The following OSR1 variants were observed in gnomAD, a reference collection of about 807,000 sequenced individuals.
The protein encoded by OSR1 is protein odd-skipped-related 1.
A neutral mutation model predicts 15.7 loss-of-function variants in OSR1; 3 were observed. The ratio of observed to expected loss-of-function variants is 0.19; its 90% CI spans 0.09 to 0.50. The LOEUF (loss-of-function observed/expected upper bound fraction) is 0.50. OSR1 is among the 20% of genes least tolerant of loss of function. OSR1 has a pLI of 0.97. For missense variants in OSR1, 271 were observed against 351.1 expected (o/e 0.77, Z 1.82); for synonymous variants, 166 against 152.7 (o/e 1.09, Z -0.64).
chr2:19,347,332 A>G (rs1349899309), downstream of OSR1, among the ~76,000 whole-genome samples: 1 of 152,150 alleles, frequency 6.6e-6, no homozygotes, highest in African/African-American at 2.4e-5. Context: ...ATTACTTTTA[A>G]CTCTACACAA....
chr2:19,350,184 AT>A (rs1346517619), downstream of OSR1, among the ~76,000 whole-genome samples: 1 of 152,122 alleles, frequency 6.6e-6, no homozygotes, highest in African/African-American at 2.4e-5. Context: ...GCCAGTCAAG[AT>A]TTTGGGACCA....
At chr2:19,358,007 C>G (rs1254502967) in intron 1 of OSR1, 1 of 152,260 alleles carries the variant, frequency 6.6e-6, no homozygotes, top group African/African-American at 2.4e-5. Flanking sequence ...TGAAGTTGCT[C>G]TGGTTTCTTA....
At chr2:19,351,324 C>A (rs1664834958), downstream of OSR1, among the ~76,000 whole-genome samples, 1 of 151,954 alleles carries the variant, frequency 6.6e-6, no homozygotes, top group Non-Finnish European at 1.5e-5. Flanking sequence ...CAGACCTAAC[C>A]GGGAGAGAGG....
At chr2:19,348,522 T>C (rs536116307), downstream of OSR1, 62 of 154,308 alleles carry the variant, frequency 4.0e-4, no homozygotes, top group Admixed American at 1.4e-3. Flanking sequence ...GACGGGACTC[T>C]TTTGAGCCGG....
At chr2:19,353,925 C>T in intron 1 of OSR1, 88 bp from the exon 2 acceptor site, 1 of 1,098,212 alleles carries the variant, frequency 9.1e-7, no homozygotes. Flanking sequence ...AGCCGAGCCA[C>T]ACCCTCTCCT....
At chr2:19,351,309 G>A (rs1664834454), downstream of OSR1, among the ~76,000 whole-genome samples, 1 of 152,058 alleles carries the variant, frequency 6.6e-6, no homozygotes, top group African/African-American at 2.4e-5. Context: ...ATGGTGGGGC[G>A]GAGGCAGACC....
rs375985128 is a variant in OSR1, at chr2:19,353,612, G to A, written c.194C>T (p.Pro65Leu). 6.2e-6 allele frequency: 10 copies of A among 1,614,120 alleles called. No homozygotes were observed. The highest frequency in any genetic ancestry group is 4.0e-5 in the African/African-American group (3 of 74,952). ...CGGCACTTTGGAGAAAGAAGAGCGC[G>A]GCAAGTGCATGGCCGGGTAGCCCAG... ...WTLGYPAMHL[P>L]RSSFSKVPGT... The change falls in exon 2 of 3, where the codon CCG (proline) becomes CTG (leucine). Residue 65 changes from proline (P) to leucine (L), a missense_variant. Pro to Leu is a moderately conservative substitution (Grantham distance 98). Coordinates refer to ENST00000272223, the MANE Select transcript of OSR1 (RefSeq NM_145260.3).
At chr2:19,347,819 C>T (rs894976187), downstream of OSR1, among the ~76,000 whole-genome samples, 21 of 152,380 alleles carry the variant, frequency 1.4e-4, no homozygotes, top group African/African-American at 5.0e-4. Flanking sequence ...GGACTGGGCA[C>T]TCCAAGTCAA....
the OSR1 span, among the ~76,000 whole-genome samples, chr2:19,345,806 CA>C: frequency 3.3e-5 from 5 of 152,166 alleles, no homozygotes; most frequent in Admixed American, 1.3e-4. Flanking sequence ...TGTGAGATAC[CA>C]AAGCAATTCT....
downstream of OSR1, chr2:19,351,380 T>TG (rs914124778): frequency 2.0e-5 from 3 of 151,180 alleles, no homozygotes; most frequent in African/African-American, 7.3e-5. Context: ...TAAGACGGGG[T>TG]GGTAGGAGGG....
chr2:19,351,652 C>A lies in OSR1; in HGVS notation c.*623G>T, dbSNP rs1664842007. 2 of 152,722 alleles carry A rather than the reference C, an allele frequency of 1.3e-5. No individual in the cohort carries two copies. Among genetic ancestry groups the A allele is most frequent in the Admixed American group, 6.5e-5 (1 of 15,294 alleles). 9.5% of individuals were successfully genotyped at this position (152,722 alleles called of 1,614,324 possible). A position where few individuals can be genotyped will look rare whatever the true frequency, so the allele number is the denominator to read the frequency against. On this transcript the variant is annotated 3_prime_UTR_variant, in exon 3 of 3. Coordinates refer to ENST00000272223, the MANE Select transcript of OSR1 (RefSeq NM_145260.3). ...CAGCGGAGGCCGGGCCCCCTGCAGA[C>A]CCCAGGCCCGAGGTCCCCGTCCCGC...
At chr2:19,348,971 A>G (rs921028349), downstream of OSR1, among the ~76,000 whole-genome samples, 3 of 152,228 alleles carry the variant, frequency 2.0e-5, no homozygotes, top group Non-Finnish European at 2.9e-5. Context: ...CCACCTGGCC[A>G]GCACCATCGG....
chr2:19,358,079 C>G (rs45628131), intron 1 of OSR1: 1 of 152,286 alleles, frequency 6.6e-6, no homozygotes, highest in Admixed American at 6.5e-5. Flanking sequence ...TCCGCAGAGC[C>G]GGGCGGGCTG....
At chr2:19,348,142 A>T (rs577911546), downstream of OSR1, among the ~76,000 whole-genome samples, 1 of 152,252 alleles carries the variant, frequency 6.6e-6, no homozygotes, top group East Asian at 1.9e-4. Context: ...ACGCCGCGGC[A>T]ACTGCTGCCC....
intron 1 of OSR1, chr2:19,355,182 C>T (rs1380910882): frequency 6.6e-6 from 1 of 152,280 alleles, no homozygotes; most frequent in Non-Finnish European, 1.5e-5. Flanking sequence ...CTTGGGGCTA[C>T]TTAAGAAGTC....
chr2:19,345,331 G>T, the OSR1 span, among the ~76,000 whole-genome samples: 1 of 151,838 alleles, frequency 6.6e-6, no homozygotes, highest in Non-Finnish European at 1.5e-5. Flanking sequence ...GTCAATTTTG[G>T]CTTTTGTTGC....
chr2:19,353,705 G>C lies in OSR1; in HGVS notation c.101C>G (p.Pro34Arg). 1 of 1,614,162 alleles carries C rather than the reference G, an allele frequency of 6.2e-7. No individual in the cohort carries two copies. Among genetic ancestry groups the C allele is most frequent in the Non-Finnish European group, 8.5e-7 (1 of 1,179,996 alleles). ...ATACAGGTTGGGCAGATGGTCCGAA[G>C]GCACTGTGGGCAGGCCGTTCACTGC... Reference protein sequence around the residue: ...LQAVNGLPTVPSDHLPNLYGF... With the variant: ...LQAVNGLPTVRSDHLPNLYGF... Residue 34 changes from proline (P) to arginine (R), a missense_variant, in exon 2 of 3, where the codon CCT becomes CGT. Physicochemically the swap from Pro to Arg is moderately radical, Grantham distance 103. Transcript: ENST00000272223.
In OSR1 at chr2:19,353,779, C is replaced by T; in HGVS notation, c.27G>A (p.Pro9=). The change falls in exon 2 of 3, where the codon CCG becomes CCA. Residue 9 remains proline, a synonymous_variant. Transcript: ENST00000272223. The part of the protein sequence containing the change: MGSKTLPA[P]VPIHPSLQLT... The stretch of plus-strand genomic sequence containing the variant: ...GCTGCAGGGAAGGGTGGATAGGCAC[C>T]GGCGCCGGCAAGGTTTTGCTGCCCA... The T allele has an allele frequency of 1.2e-6, 2 of 1,611,740 alleles. No individual in the cohort carries two copies. The highest frequency in any genetic ancestry group is 1.7e-6 in the Non-Finnish European group (2 of 1,178,424).
At chr2:19,348,133 C>A (rs947951791), downstream of OSR1, among the ~76,000 whole-genome samples, 1 of 152,020 alleles carries the variant, frequency 6.6e-6, no homozygotes, top group East Asian at 1.9e-4. Flanking sequence ...GGGATGAGTA[C>A]GCCGCGGCAA....
Sources: allele counts gnomAD v4.1 joint callset (sites outside exome capture counted in the v4.1 genomes callset), GRCh38; gene constraint gnomAD v4.1.1; transcripts MANE v1.5; gene names NCBI Gene and HGNC (gene_info 2026-07-23, HGNC 2026-07-21).